Variants in CNTN3 observed in about 807,000 individuals in gnomAD.
CNTN3 encodes the protein contactin-3.
CNTN3 carries 60 observed loss-of-function variants against 119.1 expected under a neutral mutation model. The observed-to-expected ratio is 0.50, with a 90% confidence interval of 0.41 to 0.62. The LOEUF (loss-of-function observed/expected upper bound fraction) is 0.62. Among genes scored for constraint, CNTN3 ranks in the 20% least tolerant of loss-of-function variants. CNTN3 has a pLI of 0.00. For synonymous variants in CNTN3, 450 were observed against 438.7 expected, an observed-to-expected ratio of 1.03 and a Z score of -0.32; for missense variants, 1,101 against 1,242.4, an observed-to-expected ratio of 0.89 and a Z score of 1.71.
At chr3:74,494,061 G>A (rs1374921931) in intron 3 of CNTN3, among the ~76,000 whole-genome samples, 2 of 152,140 alleles carry the variant, frequency 1.3e-5, no homozygotes, top group East Asian at 1.9e-4. Context: ...ATTTCAAGGA[G>A]TGTTACAGAT....
At chr3:74,521,219 C>T (rs1369249511) in intron 1 of CNTN3, 27 bp from the exon 2 acceptor site, 13 of 301,402 alleles carry the variant, frequency 4.3e-5, no homozygotes, top group African/African-American at 1.1e-4. Context: ...CAAAGAAGTT[C>T]GTTAAAAAAA....
chr3:74,499,306 A>G (rs1020475092), intron 3 of CNTN3, among the ~76,000 whole-genome samples: 5 of 151,930 alleles, frequency 3.3e-5, no homozygotes, highest in Admixed American at 2.6e-4. Context: ...ACACAGAAGT[A>G]TTTGTTTAAC....
intron 13 of CNTN3, among the ~76,000 whole-genome samples, chr3:74,309,232 G>A (rs1464220997): frequency 1.3e-5 from 2 of 152,110 alleles, no homozygotes; most frequent in Non-Finnish European, 2.9e-5. Context: ...AGCTTTCTGG[G>A]TAGCTGGGAT....
At chr3:74,588,797 C>T (rs1009638428) in intron 1 of CNTN3, among the ~76,000 whole-genome samples, 39 of 152,140 alleles carry the variant, frequency 2.6e-4, no homozygotes, top group African/African-American at 7.0e-4. Flanking sequence ...TCAGAAATAA[C>T]GCCGCATGTC....
chr3:74,517,483 G>A (rs1437714033), intron 2 of CNTN3, among the ~76,000 whole-genome samples: 1 of 151,732 alleles, frequency 6.6e-6, no homozygotes, highest in Non-Finnish European at 1.5e-5. Flanking sequence ...ATTGTGCTAG[G>A]GTCAACTGTA....
chr3:74,466,856 A>G (rs1444963996), intron 4 of CNTN3, among the ~76,000 whole-genome samples: 1 of 152,180 alleles, frequency 6.6e-6, no homozygotes, highest in Non-Finnish European at 1.5e-5. Flanking sequence ...ATGTATTAGT[A>G]TTACTGAGTG....
chr3:74,366,527 C>G (rs1356897881), intron 8 of CNTN3, among the ~76,000 whole-genome samples: 2 of 151,792 alleles, frequency 1.3e-5, no homozygotes, highest in Non-Finnish European at 2.9e-5. Flanking sequence ...AGATGCCTTA[C>G]TGGTTTCACA....
chr3:74,412,872 T>A (rs1223221758), intron 5 of CNTN3, among the ~76,000 whole-genome samples: 2 of 152,192 alleles, frequency 1.3e-5, no homozygotes, highest in Non-Finnish European at 1.5e-5. Flanking sequence ...TTATACATTG[T>A]TTTCTTTATA....
intron 5 of CNTN3, among the ~76,000 whole-genome samples, chr3:74,418,498 T>C (rs942544889): frequency 6.6e-6 from 1 of 151,572 alleles, no homozygotes; most frequent in African/African-American, 2.4e-5. Context: ...CCTGCCACCA[T>C]GCCCAGCTAA....
intron 5 of CNTN3, among the ~76,000 whole-genome samples, chr3:74,405,999 C>A (rs1222923145): frequency 6.6e-6 from 1 of 152,148 alleles, no homozygotes; most frequent in South Asian, 2.1e-4. Flanking sequence ...TAATCTTGAT[C>A]CACTTTAGGG....
At chr3:74,329,881 T>C (rs182575388) in intron 13 of CNTN3, among the ~76,000 whole-genome samples, 59 of 152,328 alleles carry the variant, frequency 3.9e-4, no homozygotes, top group Non-Finnish European at 5.9e-5. Context: ...GTACACATTC[T>C]TATTTACATT....
intron 5 of CNTN3, among the ~76,000 whole-genome samples, chr3:74,393,566 G>A (rs1483234098): frequency 6.6e-6 from 1 of 152,194 alleles, no homozygotes; most frequent in African/African-American, 2.4e-5. Flanking sequence ...GGGAGGAGCC[G>A]ACCTTGAAAA....
chr3:74,288,159 C>CTTTTTTTTTTTTTTTTTT (rs3084509), intron 19 of CNTN3, among the ~76,000 whole-genome samples: 10 of 90,372 alleles, frequency 1.1e-4, no homozygotes, highest in African/African-American at 3.0e-4. Flanking sequence ...CTTTTCTTTT[C>CTTTTTTTTTTTTTTTTTT]TTTTTTTTTT....
intron 5 of CNTN3, among the ~76,000 whole-genome samples, chr3:74,382,216 A>C (rs751861028): frequency 7.2e-5 from 11 of 152,130 alleles, no homozygotes; most frequent in Non-Finnish European, 1.0e-4. Context: ...CTAAAAAAAA[A>C]CTAATAATAG....
chr3:74,614,524 G>A lies in CNTN3; in HGVS notation c.-214C>T, dbSNP rs1448660305. Among the ~76,000 whole-genome samples, 2 of 147,142 alleles carry A rather than the reference G, an allele frequency of 1.4e-5. No individual in the cohort carries two copies. The highest frequency in any genetic ancestry group is 2.4e-5 in the African/African-American group (1 of 40,862). On this transcript the variant is annotated 5_prime_UTR_variant, in exon 1 of 23. Coordinates refer to ENST00000263665, the MANE Select transcript of CNTN3 (RefSeq NM_020872.3). ...GCCGCCGTGCGCGCCCGCGTAAGCC[G>A]CCGCCGCCGCAGGCGCAGCACCCTC...
chr3:74,308,127 G>A (rs912149040), intron 13 of CNTN3, among the ~76,000 whole-genome samples: 5 of 152,168 alleles, frequency 3.3e-5, no homozygotes, highest in Non-Finnish European at 4.4e-5. Context: ...GTGGTGACAC[G>A]GCCCACCTCT....
intron 5 of CNTN3, among the ~76,000 whole-genome samples, chr3:74,388,723 C>T (rs1286167854): frequency 6.6e-6 from 1 of 152,126 alleles, no homozygotes; most frequent in Non-Finnish European, 1.5e-5. Flanking sequence ...AGCATACAGG[C>T]AAGATAAAAC....
At chr3:74,378,094 T>C (rs1186344696) in intron 5 of CNTN3, among the ~76,000 whole-genome samples, 1 of 152,204 alleles carries the variant, frequency 6.6e-6, no homozygotes, top group Non-Finnish European at 1.5e-5. Context: ...TTTAAAAGTG[T>C]GTGAAAGCTT....
rs1483651577 is a variant in CNTN3, at chr3:74,572,893, G to T, written c.-81+41498C>A. On this transcript the variant is annotated intron_variant, in intron 1 of 22. Coordinates refer to ENST00000263665, the MANE Select transcript of CNTN3 (RefSeq NM_020872.3). ...GCACGTTATCTAGAAAACTAGGAGG[G>T]TCTAAGACTTCATCTGCTGTTCATG... is the stretch of plus-strand genomic sequence containing the variant. Among the ~76,000 whole-genome samples, 4 of 152,186 alleles carry T rather than the reference G, an allele frequency of 2.6e-5. No individual in the cohort carries two copies. The East Asian group carries it at 7.7e-4, about 29-fold the overall frequency.
Sources: allele counts gnomAD v4.1 joint callset (sites outside exome capture counted in the v4.1 genomes callset), GRCh38; gene constraint gnomAD v4.1.1; transcripts MANE v1.5; gene names NCBI Gene and HGNC (gene_info 2026-07-23, HGNC 2026-07-21).